Variants in LRP1B observed in about 807,000 individuals in gnomAD.
LRP1B encodes the protein low-density lipoprotein receptor-related protein 1B.
LRP1B carries 217 observed loss-of-function variants against 556.6 expected under a neutral mutation model. That is an observed-to-expected ratio of 0.39 (90% CI 0.35 to 0.44). The LOEUF (loss-of-function observed/expected upper bound fraction) is 0.44, where lower values mean the gene tolerates loss of function less well. Among genes scored for constraint, LRP1B ranks in the 20% least tolerant of loss-of-function variants. The pLI is 1.00. For missense variants in LRP1B, 5,053 were observed against 5,620.8 expected (o/e 0.90, Z 3.23); for synonymous variants, 2,047 against 1,865.8 (o/e 1.10, Z -2.50).
intron 1 of LRP1B, among the ~76,000 whole-genome samples, chr2:141,959,072 A>AT (rs1046278413): frequency 6.6e-6 from 1 of 151,874 alleles, no homozygotes; most frequent in African/African-American, 2.4e-5. Context: ...CCTCAAGCTC[A>AT]TTTTCTTCCT....
intron 1 of LRP1B, among the ~76,000 whole-genome samples, chr2:141,838,384 A>G (rs1697361334): frequency 6.6e-6 from 1 of 152,082 alleles, no homozygotes; most frequent in Admixed American, 6.6e-5. Context: ...TTCCTTCTCA[A>G]ACTCTTCCTG....
intron 3 of LRP1B, among the ~76,000 whole-genome samples, chr2:141,281,387 C>A (rs910892596): frequency 6.6e-6 from 1 of 151,922 alleles, no homozygotes; most frequent in South Asian, 2.1e-4. Context: ...GAAAAAAAAT[C>A]TGAAAATTCT....
At chr2:141,927,035 C>T (rs892914238) in intron 1 of LRP1B, among the ~76,000 whole-genome samples, 1 of 151,970 alleles carries the variant, frequency 6.6e-6, no homozygotes, top group Non-Finnish European at 1.5e-5. Context: ...AGAATCATAC[C>T]TTTTGCCTCT....
intron 6 of LRP1B, among the ~76,000 whole-genome samples, chr2:141,208,713 C>CA (rs1414581642): frequency 6.6e-6 from 1 of 151,140 alleles, no homozygotes; most frequent in East Asian, 2.0e-4. Flanking sequence ...TAAAAAAATA[C>CA]AAAAAATTAG....
chr2:141,774,004 C>T (rs1287911476), intron 2 of LRP1B, among the ~76,000 whole-genome samples: 2 of 152,100 alleles, frequency 1.3e-5, no homozygotes, highest in African/African-American at 4.8e-5. Flanking sequence ...GGAGTTAAAA[C>T]AACAACAACA....
chr2:141,333,640 C>T (rs568127353), intron 3 of LRP1B, among the ~76,000 whole-genome samples: 1 of 152,254 alleles, frequency 6.6e-6, no homozygotes, highest in East Asian at 1.9e-4. Flanking sequence ...TCACCACCTC[C>T]ATCTGAAAAT....
chr2:140,713,121 A>C (rs189641793), intron 37 of LRP1B, among the ~76,000 whole-genome samples: 1 of 152,134 alleles, frequency 6.6e-6, no homozygotes, highest in Admixed American at 6.6e-5. Flanking sequence ...ATATTTATCC[A>C]ACTACTGATT....
At chr2:140,693,313 T>G (rs893759552) in intron 41 of LRP1B, among the ~76,000 whole-genome samples, 23 of 152,196 alleles carry the variant, frequency 1.5e-4, no homozygotes, top group African/African-American at 5.3e-4. Context: ...AATATCATTT[T>G]GGCTGCTTTT....
chr2:140,940,071 G>T (rs1328729181), intron 20 of LRP1B, among the ~76,000 whole-genome samples: 1 of 151,726 alleles, frequency 6.6e-6, no homozygotes, highest in Non-Finnish European at 1.5e-5. Context: ...TTTTGGTAGA[G>T]ACAGGATTTC....
chr2:140,235,851 G>A (rs552631475), intron 89 of LRP1B, among the ~76,000 whole-genome samples: 8 of 150,856 alleles, frequency 5.3e-5, no homozygotes, highest in Non-Finnish European at 1.0e-4. Context: ...AAAGTATATC[G>A]TCATTAGTCT....
intron 49 of LRP1B, among the ~76,000 whole-genome samples, chr2:140,525,488 G>A (rs188914413): frequency 9.0e-4 from 137 of 151,954 alleles, no homozygotes; most frequent in Non-Finnish European, 5.9e-4. Flanking sequence ...AAGGCCAGTC[G>A]TAAGAAACAT....
chr2:140,747,122 T>C (rs573444046), intron 35 of LRP1B, among the ~76,000 whole-genome samples: 4 of 152,242 alleles, frequency 2.6e-5, no homozygotes, highest in African/African-American at 9.6e-5. Flanking sequence ...ATCCCAAAAG[T>C]GAGTTGCAAA....
chr2:141,329,643 C>CAAAAAAAAAA (rs71391650), intron 3 of LRP1B, among the ~76,000 whole-genome samples: 96 of 28,954 alleles, frequency 3.3e-3, no homozygotes, highest in Middle Eastern at 0.025. Context: ...GACTCTGTCT[C>CAAAAAAAAAA]AAAAAAAAAA....
intron 6 of LRP1B, among the ~76,000 whole-genome samples, chr2:141,210,066 C>A (rs1682474549): frequency 1.6e-5 from 2 of 127,102 alleles, no homozygotes; most frequent in African/African-American, 5.6e-5. Flanking sequence ...GATGTTACAG[C>A]CTGAAAAAAA....
At chr2:141,571,769 A>G (rs756830857) in intron 2 of LRP1B, among the ~76,000 whole-genome samples, 53 of 152,054 alleles carry the variant, frequency 3.5e-4, no homozygotes, top group Non-Finnish European at 1.0e-4. Context: ...ACAATACAAG[A>G]TCTTCGTAAA....
intron 2 of LRP1B, among the ~76,000 whole-genome samples, chr2:141,687,331 C>T (rs538391487): frequency 2.0e-5 from 3 of 151,852 alleles, no homozygotes; most frequent in African/African-American, 4.8e-5. Flanking sequence ...ATAATCATTA[C>T]CCAATTACAT....
chr2:141,480,841 A>G (rs1402367039), intron 2 of LRP1B, among the ~76,000 whole-genome samples: 1 of 152,196 alleles, frequency 6.6e-6, no homozygotes, highest in Non-Finnish European at 1.5e-5. Context: ...TTCATCTCAT[A>G]TCCCTAGATA....
At chr2:141,902,298 T>C (rs2104935928) in intron 1 of LRP1B, among the ~76,000 whole-genome samples, 1 of 152,008 alleles carries the variant, frequency 6.6e-6, no homozygotes, top group African/African-American at 2.4e-5. Context: ...ATTTTCCATC[T>C]ATATTCACTG....
chr2:141,580,535 TA>T (rs1686928230), intron 2 of LRP1B, among the ~76,000 whole-genome samples: 1 of 152,068 alleles, frequency 6.6e-6, no homozygotes, highest in South Asian at 2.1e-4. Context: ...ATGCTCCAAA[TA>T]TGTGAGGACA....
Sources: gnomAD v4.1 joint callset for allele counts (sites outside exome capture counted in the v4.1 genomes callset) on GRCh38, gnomAD v4.1.1 for gene constraint, MANE v1.5 for transcripts, NCBI Gene and HGNC (gene_info 2026-07-23, HGNC 2026-07-21) for gene names.